The following FLAD1 variants were observed in gnomAD, a reference collection of about 807,000 sequenced individuals.
The protein encoded by FLAD1 is flavin adenine dinucleotide synthetase 1.
In FLAD1, 35 loss-of-function variants were observed where a neutral mutation model predicts 55.0. That is an observed-to-expected ratio of 0.64 (90% CI 0.49 to 0.84). The LOEUF (loss-of-function observed/expected upper bound fraction) is 0.84, where lower values mean the gene tolerates loss of function less well. FLAD1 is among the 40% of genes least tolerant of loss of function. FLAD1 has a pLI of 0.00. For synonymous variants in FLAD1, 267 were observed against 303.0 expected, an observed-to-expected ratio of 0.88 and a Z score of 1.23; for missense variants, 665 against 742.6, an observed-to-expected ratio of 0.90 and a Z score of 1.21.
At chr1:154,989,064 T>G (rs1657749753) in intron 2 of FLAD1, 1 of 1,182,442 alleles carries the variant, frequency 8.5e-7, no homozygotes, top group Non-Finnish European at 1.2e-6. Flanking sequence ...TAGGATAATG[T>G]ATGCCCTGCT....
chr1:154,990,252 C>A lies in FLAD1; in HGVS notation c.1359C>A (p.Ile453=), dbSNP rs867629706. 5 of 1,613,916 alleles carry A rather than the reference C, an allele frequency of 3.1e-6. No homozygotes were observed. The African/African-American group carries it at 5.3e-5, about 17-fold the overall frequency. The part of the protein sequence containing the change: ...PELEQFLQDT[I]KRYNLQMLEA... ...TGGAACAGTTTCTACAGGACACTAT[C>A]AAGAGGTACTAGGGGCCTGGAGGTT... The change falls in exon 4 of 7, where the codon ATC becomes ATA. Residue 453 remains isoleucine (I), a synonymous_variant. Coordinates refer to ENST00000292180, the MANE Select transcript of FLAD1 (RefSeq NM_025207.5).
rs570971151 is a variant in FLAD1 at position 154,990,504 on chromosome 1, A to G, written c.1530A>G (p.Ala510=). The G allele has an allele frequency of 1.7e-5, 27 of 1,608,528 alleles. No homozygotes were observed. The African/African-American group carries it at 1.7e-4, about 10-fold the overall frequency. ...GCCCCACTGACCCAGGCTGGCCCGCATTCATGCGCATCAACCCACTGCTGG... is the reference window on the plus strand; with the variant it reads ...GCCCCACTGACCCAGGCTGGCCCGCGTTCATGCGCATCAACCCACTGCTGG... ...PFSPTDPGWP[A]FMRINPLLDW... The change falls in exon 5 of 7, where the codon GCA becomes GCG. Residue 510 remains alanine (A), a synonymous_variant. Transcript: ENST00000292180.
rs1326201197 is a variant in FLAD1, at chr1:154,983,729, G to A, written c.35G>A (p.Arg12Lys). 6 of 1,613,674 alleles carry A rather than the reference G, an allele frequency of 3.7e-6. No individual in the cohort carries two copies. The highest frequency in any genetic ancestry group is 1.7e-5 in the Admixed American group (1 of 59,962). The change falls in exon 1 of 7, where the codon AGG (arginine) becomes AAG (lysine). Residue 12 changes from arginine (R) to lysine (K), a missense_variant. Coordinates refer to ENST00000292180, the MANE Select transcript of FLAD1 (RefSeq NM_025207.5). ...GATTTGGGAACACGTTTATTCCAGAGGCAGGAACAAAGGAGTCGCTTGTCA... is the reference window on the plus strand; with the variant it reads ...GATTTGGGAACACGTTTATTCCAGAAGCAGGAACAAAGGAGTCGCTTGTCA... ...GWDLGTRLFQRQEQRSRLSRI... is the reference protein window; with the variant it reads ...GWDLGTRLFQKQEQRSRLSRI...
At position 154,988,655 on chromosome 1, in the gene FLAD1, T is replaced by C. The variant is rs138280391; in HGVS notation, c.923T>C (p.Leu308Pro). ...GCCCAGGCCCACTTTGGACGTAGGC[T>C]TGGCCTGGGTTCCTACCCTGACTGG... ...AEAQAHFGRR[L>P]GLGSYPDWGS... The change falls in exon 2 of 7, where the codon CTT becomes CCT. Residue 308 changes from leucine to proline, a missense_variant. Coordinates refer to ENST00000292180, the MANE Select transcript of FLAD1 (RefSeq NM_025207.5). 9.9e-6 allele frequency: 16 copies of C among 1,614,106 alleles called. No homozygotes were observed. In the African/African-American group the frequency reaches 1.6e-4, roughly 16 times the overall value.
chr1:154,988,693 T>A lies in FLAD1; in HGVS notation c.961T>A (p.Tyr321Asn). The A allele has an allele frequency of 6.2e-7, 1 of 1,614,194 alleles. No individual in the cohort carries two copies. Residue 321 changes from tyrosine to asparagine, a missense_variant, in exon 2 of 7, where the codon TAT becomes AAT. Physicochemically the swap from Tyr to Asn is moderately radical, Grantham distance 143 (BLOSUM62 -2). Coordinates refer to ENST00000292180, the MANE Select transcript of FLAD1 (RefSeq NM_025207.5). Reference protein sequence around the residue: ...GSYPDWGSNYYQVKLTLDSEE... With the variant: ...GSYPDWGSNYNQVKLTLDSEE... ...CTACCCTGACTGGGGCAGCAACTAC[T>A]ATCAGGTGAAGCTGACTCTAGACTC...
intron 3 of FLAD1, 146 bp from the exon 4 acceptor site, chr1:154,990,013 G>A (rs1190067341): frequency 1.1e-5 from 8 of 758,822 alleles, no homozygotes; most frequent in Middle Eastern, 3.8e-4. Flanking sequence ...CTTCCCAGAG[G>A]AAGTGGGTCT....
intron 4 of FLAD1, 36 bp downstream of exon 4, chr1:154,990,293 G>C (rs1405533719): frequency 6.2e-7 from 1 of 1,613,422 alleles, no homozygotes; most frequent in Admixed American, 1.7e-5. Flanking sequence ...TCCAAGAGAA[G>C]CTTGACAGAG....
chr1:154,991,650 C>G lies in FLAD1; in HGVS notation c.1555-1063C>G, dbSNP rs149113419. On this transcript the variant is annotated intron_variant, in intron 5 of 6. Transcript: ENST00000292180. The stretch of plus-strand genomic sequence containing the variant: ...TAGAGATACAGAACATTTCCATCAT[C>G]ACAGGAAGTTCTGGCCAGGCACAGT... Among the ~76,000 whole-genome samples, 3 of 152,194 alleles carry G rather than the reference C, an allele frequency of 2.0e-5. No individual in the cohort carries two copies. In the East Asian group the frequency reaches 5.8e-4, roughly 29 times the overall value.
At position 154,989,396 on chromosome 1, in the gene FLAD1, CAG is replaced by C. The variant is rs372031707; in HGVS notation, c.1118-163_1118-162del. On this transcript the variant is annotated intron_variant, in intron 2 of 6. Coordinates refer to ENST00000292180, the MANE Select transcript of FLAD1 (RefSeq NM_025207.5). ...CTGGGTGGCAGATGGCAGGGCAGGT[CAG>C]GGGCAGACTGCAGGGCCTAGCGGGC... Among the ~76,000 whole-genome samples, 678 of 152,310 alleles carry C rather than the reference CAG, an allele frequency of 4.5e-3. 4 individuals are homozygous for C. Among genetic ancestry groups the C allele is most frequent in the African/African-American group, 0.016 (648 of 41,558 alleles).
At chr1:154,989,389 G>A (rs1373835401) in intron 2 of FLAD1, among the ~76,000 whole-genome samples, 171 bp from the exon 3 acceptor site, 3 of 152,134 alleles carry the variant, frequency 2.0e-5, no homozygotes, top group African/African-American at 7.2e-5. Context: ...CAGATGGCAG[G>A]GCAGGTCAGG....
rs1186499304 is a variant in FLAD1 at position 154,990,536 on chromosome 1, G to A, written c.1554+8G>A. On this transcript the variant is annotated splice_region_variant and intron_variant, in intron 5 of 6. Coordinates refer to ENST00000292180, the MANE Select transcript of FLAD1 (RefSeq NM_025207.5). ...CGCATCAACCCACTGCTGGTAATGGGGAAGAGGGTTTATCACCTTCAGTCT... is the reference window on the plus strand; with the variant it reads ...CGCATCAACCCACTGCTGGTAATGGAGAAGAGGGTTTATCACCTTCAGTCT... 2 of 1,587,512 alleles carry A rather than the reference G, an allele frequency of 1.3e-6. No individual in the cohort carries two copies. The highest frequency in any genetic ancestry group is 2.2e-5 in the East Asian group (1 of 44,486).
In FLAD1 at chr1:154,983,935, G is replaced by T. The variant is rs540907370; in HGVS notation, c.241G>T (p.Gly81Cys). Reference sequence around the variant, plus strand: ...CCCGTGCTTGCGACCCCTATTTGGGGGTCTGGGTGGCTACTGGAGGGCCTT... The same window carrying T: ...CCCGTGCTTGCGACCCCTATTTGGGTGTCTGGGTGGCTACTGGAGGGCCTT... Reference protein sequence around the residue: ...GPPCLRPLFGGLGGYWRALQR... With the variant: ...GPPCLRPLFGCLGGYWRALQR... Residue 81 changes from glycine to cysteine, a missense_variant, in exon 1 of 7, where the codon GGT (glycine) becomes TGT (cysteine). Transcript: ENST00000292180. 1.1e-5 allele frequency: 18 copies of T among 1,606,366 alleles called. No individual in the cohort carries two copies. In the African/African-American group the frequency reaches 2.1e-4, roughly 19 times the overall value.
Position 154,983,928 on chromosome 1 carries a change from A to G in FLAD1, c.234A>G (p.Leu78=), listed in dbSNP as rs1374131700. ...CAGGCCCCCCGTGCTTGCGACCCCT[A>G]TTTGGGGGTCTGGGTGGCTACTGGA... ...DLAGPPCLRP[L]FGGLGGYWRA... The change falls in exon 1 of 7, where the codon CTA becomes CTG. Residue 78 remains leucine, a synonymous_variant. Transcript: ENST00000292180. The G allele has an allele frequency of 6.2e-7, 1 of 1,609,192 alleles. No individual in the cohort carries two copies. Among genetic ancestry groups the G allele is most frequent in the Non-Finnish European group, 8.5e-7 (1 of 1,176,988 alleles).
chr1:154,989,682 C>T lies in FLAD1; in HGVS notation c.1240C>T (p.His414Tyr), dbSNP rs1433218409. ...NGGKDCTALL[H>Y]LFHAAVQRKL... is the part of the protein sequence containing the mutation. ...GGGCAAAGACTGCACTGCCCTCCTG[C>T]ACCTCTTCCATGCAGCTGTGCAGAG... is the stretch of plus-strand genomic sequence containing the variant. Residue 414 changes from histidine (H) to tyrosine (Y), a missense_variant, in exon 3 of 7, where the codon CAC becomes TAC. Transcript: ENST00000292180. 1.3e-6 allele frequency: 2 copies of T among 1,568,622 alleles called. No homozygotes were observed. Among genetic ancestry groups the T allele is most frequent in the Admixed American group, 3.7e-5 (2 of 54,050 alleles).
intron 1 of FLAD1, among the ~76,000 whole-genome samples, chr1:154,984,579 A>C (rs1193788293): frequency 6.6e-6 from 1 of 152,000 alleles, no homozygotes; most frequent in Non-Finnish European, 1.5e-5. Context: ...GTGGTGGTGC[A>C]TGCCTGTAAT....
rs148102813 is a variant in FLAD1 at position 154,989,647 on chromosome 1, G to A, written c.1205G>A (p.Gly402Asp). Residue 402 changes from glycine to aspartate, a missense_variant, in exon 3 of 7, where the codon GGC becomes GAC. By Grantham distance (94) the Gly-to-Asp change is moderately conservative. Coordinates refer to ENST00000292180, the MANE Select transcript of FLAD1 (RefSeq NM_025207.5). The part of the protein sequence containing the change: ...AQYSLTQLCV[G>D]FNGGKDCTAL... The stretch of plus-strand genomic sequence containing the variant: ...TACAGCCTCACCCAGCTCTGTGTGG[G>A]CTTCAACGGGGGCAAAGACTGCACT... The A allele has an allele frequency of 6.3e-7, 1 of 1,599,222 alleles. No homozygotes were observed. Among genetic ancestry groups the A allele is most frequent in the South Asian group, 1.1e-5 (1 of 89,252 alleles).
rs777621144 is a variant in FLAD1 at position 154,988,183 on chromosome 1, G to C, written c.451G>C (p.Val151Leu). 30 of 1,614,234 alleles carry C rather than the reference G, an allele frequency of 1.9e-5. 1 individual carries two copies. In the South Asian group the frequency reaches 3.1e-4, roughly 17 times the overall value. Residue 151 changes from valine (V) to leucine (L), a missense_variant, in exon 2 of 7, where the codon GTT (valine) becomes CTT (leucine). Physicochemically the swap from Val to Leu is conservative, Grantham distance 32. Coordinates refer to ENST00000292180, the MANE Select transcript of FLAD1 (RefSeq NM_025207.5). ...SLGVQVCRVS[V>L]VPDEVATIAA... ...AGGGGTCCAGGTTTGCCGAGTCTCA[G>C]TTGTACCTGATGAGGTAGCCACCAT...
At position 154,983,418 on chromosome 1, in the gene FLAD1, A is replaced by G; in HGVS notation, c.-277A>G. On this transcript the variant is annotated 5_prime_UTR_variant, in exon 1 of 7. Coordinates refer to ENST00000292180, the MANE Select transcript of FLAD1 (RefSeq NM_025207.5). ...GGCAGGTGAGAGTCTAAGAGGGCTC[A>G]GTAATCTGAAGCTTGGTGGGAAGAA... 1 of 352,306 alleles carries G rather than the reference A, an allele frequency of 2.8e-6. No homozygotes were observed. The highest frequency in any genetic ancestry group is 6.5e-5 in the South Asian group (1 of 15,280). 21.8% of individuals were successfully genotyped at this position (352,306 alleles called of 1,614,324 possible).
chr1:154,992,977 C>T lies in FLAD1; in HGVS notation c.1704C>T (p.Pro568=). 6.2e-7 allele frequency: 1 copy of T among 1,614,070 alleles called. No individual in the cohort carries two copies. The highest frequency in any genetic ancestry group is 1.6e-4 in the Middle Eastern group (1 of 6,062). The change falls in exon 7 of 7, where the codon CCC becomes CCT. Residue 568 remains proline, a synonymous_variant. Transcript: ENST00000292180. Reference sequence around the variant, plus strand: ...AGTGCCTGAGCCCAGGAGGACACCCCACATACCGTCCAGCCTATCTACTGG... The same window carrying T: ...AGTGCCTGAGCCCAGGAGGACACCCTACATACCGTCCAGCCTATCTACTGG... ...ALKCLSPGGH[P]TYRPAYLLEN... is the part of the protein sequence containing the mutation.
Sources: gnomAD v4.1 joint callset for allele counts (sites outside exome capture counted in the v4.1 genomes callset) on GRCh38, gnomAD v4.1.1 for gene constraint, MANE v1.5 for transcripts, NCBI Gene and HGNC (gene_info 2026-07-23, HGNC 2026-07-21) for gene names.